The following TLL1 variants were observed in gnomAD, a reference collection of about 807,000 sequenced individuals.
TLL1 encodes the protein tolloid-like protein 1.
In TLL1, 49 loss-of-function variants were observed where a neutral mutation model predicts 128.2. The ratio of observed to expected loss-of-function variants is 0.38; its 90% confidence interval spans 0.30 to 0.48. The LOEUF is 0.48. TLL1 is among the 20% of genes least tolerant of loss of function. The pLI is 0.96. For synonymous variants in TLL1, 454 were observed against 418.8 expected (o/e 1.08, Z -1.03); for missense variants, 1,123 against 1,242.0 (o/e 0.90, Z 1.44).
At chr4:165,972,218 A>T (rs1250418536) in intron 1 of TLL1, among the ~76,000 whole-genome samples, 3 of 152,112 alleles carry the variant, frequency 2.0e-5, no homozygotes, top group African/African-American at 4.8e-5. Context: ...CTGGGACAAG[A>T]CTCAATCTAT....
chr4:166,086,655 C>T (rs1029219044), intron 18 of TLL1, among the ~76,000 whole-genome samples: 2 of 152,086 alleles, frequency 1.3e-5, no homozygotes, highest in Admixed American at 1.3e-4. Flanking sequence ...CCATGGAAGC[C>T]TCAGAAGCCC....
chr4:166,067,454 G>A (rs1740620908), intron 16 of TLL1, among the ~76,000 whole-genome samples: 2 of 151,592 alleles, frequency 1.3e-5, no homozygotes, highest in African/African-American at 4.8e-5. Context: ...ATACAGCTCT[G>A]AAGCCTTGTG....
intron 7 of TLL1, among the ~76,000 whole-genome samples, chr4:166,013,916 TA>T (rs1487956881): frequency 1.3e-5 from 2 of 151,222 alleles, no homozygotes; most frequent in Admixed American, 6.6e-5. Flanking sequence ...ATCTTTTTTT[TA>T]ACATATGCTG....
At chr4:165,907,906 C>T (rs1444860106) in intron 1 of TLL1, among the ~76,000 whole-genome samples, 4 of 152,108 alleles carry the variant, frequency 2.6e-5, no homozygotes, top group African/African-American at 9.7e-5. Flanking sequence ...AATACCTGTT[C>T]ATTATATCAA....
chr4:165,874,023 A>G lies in TLL1; in HGVS notation c.119A>G (p.Asn40Ser), dbSNP rs1181004872. The change falls in exon 1 of 21, where the codon AAC (asparagine) becomes AGC (serine). Residue 40 changes from asparagine to serine, a missense_variant. Coordinates refer to ENST00000061240, the MANE Select transcript of TLL1 (RefSeq NM_012464.5). ...GLDYDYTFDGNEEDKTETIDY... is the reference protein window; with the variant it reads ...GLDYDYTFDGSEEDKTETIDY... ...GATTATGATTACACTTTTGATGGGA[A>G]CGAAGAGGATAAAACAGAGACTATA... 1 of 1,614,144 alleles carries G rather than the reference A, an allele frequency of 6.2e-7. No homozygotes were observed. Among genetic ancestry groups the G allele is most frequent in the Non-Finnish European group, 8.5e-7 (1 of 1,180,018 alleles).
At chr4:166,028,919 G>C (rs2111075342) in intron 9 of TLL1, among the ~76,000 whole-genome samples, 1 of 151,954 alleles carries the variant, frequency 6.6e-6, no homozygotes. Context: ...GTGGATGGCA[G>C]GTTTTGTCTT....
At chr4:165,939,398 G>A (rs529573146) in intron 1 of TLL1, among the ~76,000 whole-genome samples, 1 of 152,102 alleles carries the variant, frequency 6.6e-6, no homozygotes, top group Non-Finnish European at 1.5e-5. Context: ...TATACTTAGT[G>A]TTCCTATATC....
chr4:165,887,932 A>G (rs1731237706), intron 1 of TLL1, among the ~76,000 whole-genome samples: 1 of 152,162 alleles, frequency 6.6e-6, no homozygotes, highest in African/African-American at 2.4e-5. Context: ...GCTTTAAAAA[A>G]TTATTGTTAA....
intron 1 of TLL1, among the ~76,000 whole-genome samples, chr4:165,906,217 C>T (rs1018399491): frequency 3.3e-5 from 5 of 152,096 alleles, no homozygotes; most frequent in East Asian, 1.9e-4. Flanking sequence ...ATTTATTTTT[C>T]GGCCCTTTAA....
intron 11 of TLL1, 127 bp downstream of exon 11, chr4:166,042,270 T>A (rs1417643064): frequency 1.2e-5 from 8 of 680,506 alleles, no homozygotes; most frequent in Non-Finnish European, 2.1e-5. Context: ...ATCTGTATTA[T>A]AATATTCATA....
At chr4:165,995,375 TGTATTC>T (rs1314959195) in intron 5 of TLL1, among the ~76,000 whole-genome samples, 197 bp downstream of exon 5, 1 of 152,100 alleles carries the variant, frequency 6.6e-6, no homozygotes, top group Non-Finnish European at 1.5e-5. Flanking sequence ...CTACTGCAAG[TGTATTC>T]TTTTCTACCA....
intron 1 of TLL1, among the ~76,000 whole-genome samples, chr4:165,893,778 G>A (rs991136506): frequency 6.6e-6 from 1 of 152,118 alleles, no homozygotes; most frequent in African/African-American, 2.4e-5. Flanking sequence ...ATTGAGAAGA[G>A]TTTGCCACAG....
intron 1 of TLL1, among the ~76,000 whole-genome samples, chr4:165,898,469 C>T (rs992400577): frequency 6.6e-6 from 1 of 152,270 alleles, no homozygotes; most frequent in East Asian, 1.9e-4. Context: ...AAGGCCTTCT[C>T]TGCATCTATT....
intron 7 of TLL1, among the ~76,000 whole-genome samples, chr4:166,013,180 A>G (rs534031472): frequency 3.4e-4 from 51 of 151,928 alleles, no homozygotes; most frequent in African/African-American, 1.2e-3. Flanking sequence ...TGATCACTCT[A>G]TTTAAAAGCA....
At chr4:166,060,782 T>C (rs927500319) in intron 15 of TLL1, among the ~76,000 whole-genome samples, 1 of 152,192 alleles carries the variant, frequency 6.6e-6, no homozygotes, top group Non-Finnish European at 1.5e-5. Flanking sequence ...ATTTGAAAAT[T>C]CCTTTGTGCT....
chr4:165,954,511 T>A lies in TLL1; in HGVS notation c.170-34870T>A, dbSNP rs185181177. On this transcript the variant is annotated intron_variant, in intron 1 of 20. Coordinates refer to ENST00000061240, the MANE Select transcript of TLL1 (RefSeq NM_012464.5). ...AAAGAACTGGATTCTGGTTTCTTCT[T>A]CATGGCTCTGTGTCCTCTGCTTTTG... Among the ~76,000 whole-genome samples the A allele has an allele frequency of 3.9e-3, 593 of 152,176 alleles. 7 individuals are homozygous for A. Among genetic ancestry groups the A allele is most frequent in the African/African-American group, 0.013 (559 of 41,536 alleles).
At chr4:165,930,619 A>C (rs1733473211) in intron 1 of TLL1, among the ~76,000 whole-genome samples, 1 of 152,150 alleles carries the variant, frequency 6.6e-6, no homozygotes, top group Non-Finnish European at 1.5e-5. Flanking sequence ...TTTACAGAGA[A>C]AGTTTACTGA....
At chr4:166,005,194 T>G (rs541676768) in intron 6 of TLL1, among the ~76,000 whole-genome samples, 1 of 152,126 alleles carries the variant, frequency 6.6e-6, no homozygotes, top group African/African-American at 2.4e-5. Flanking sequence ...AAACAGCATG[T>G]TTTTGAGAAA....
chr4:166,068,639 A>G (rs545959674), intron 16 of TLL1, among the ~76,000 whole-genome samples: 125 of 152,006 alleles, frequency 8.2e-4, no homozygotes, highest in Middle Eastern at 3.4e-3. Context: ...TGACTATTCT[A>G]TTTGCCCCAG....
Sources: allele counts gnomAD v4.1 joint callset (sites outside exome capture counted in the v4.1 genomes callset), GRCh38; gene constraint gnomAD v4.1.1; transcripts MANE v1.5; gene names NCBI Gene and HGNC (gene_info 2026-07-23, HGNC 2026-07-21).